Variants in GRIN2A observed in about 807,000 individuals in gnomAD.
GRIN2A encodes the protein glutamate receptor ionotropic, NMDA 2A.
A neutral mutation model predicts 113.4 loss-of-function variants in GRIN2A; 22 were observed. That is an observed-to-expected ratio of 0.19 (90% CI 0.14 to 0.28). The LOEUF is 0.28. GRIN2A is among the 10% of genes least tolerant of loss of function. GRIN2A has a pLI of 1.00. For missense variants in GRIN2A, 1,502 were observed against 1,887.0 expected (o/e 0.80, Z 3.78); for synonymous variants, 827 against 738.4 (o/e 1.12, Z -1.94).
At chr16:9,960,815 A>G (rs1037418522) in intron 2 of GRIN2A, among the ~76,000 whole-genome samples, 8 of 152,022 alleles carry the variant, frequency 5.3e-5, no homozygotes, top group African/African-American at 1.9e-4. Context: ...GGCAGAGATG[A>G]GGTTTTGCCA....
At chr16:9,839,438 A>G (rs993653528) in intron 7 of GRIN2A, among the ~76,000 whole-genome samples, 1 of 152,222 alleles carries the variant, frequency 6.6e-6, no homozygotes, top group Non-Finnish European at 1.5e-5. Flanking sequence ...AAAAATCACA[A>G]GAATTTCCTT....
At chr16:10,170,748 A>G (rs1030007419) in intron 2 of GRIN2A, among the ~76,000 whole-genome samples, 10 of 151,992 alleles carry the variant, frequency 6.6e-5, no homozygotes, top group African/African-American at 2.4e-4. Context: ...ATCATGGCAC[A>G]CGCCTGTGTT....
At chr16:9,890,914 A>G in intron 4 of GRIN2A, 72 bp downstream of exon 4, 1 of 922,514 alleles carries the variant, frequency 1.1e-6, no homozygotes, top group Non-Finnish European at 1.8e-6. Context: ...TGGGAGAAAG[A>G]AGCACTGTGA....
At chr16:9,919,715 A>C (rs993840139) in intron 3 of GRIN2A, among the ~76,000 whole-genome samples, 2 of 152,216 alleles carry the variant, frequency 1.3e-5, no homozygotes, top group African/African-American at 4.8e-5. Context: ...ATAATACTTG[A>C]AACAAAATTC....
intron 3 of GRIN2A, among the ~76,000 whole-genome samples, chr16:9,934,876 C>T (rs2044677341): frequency 6.6e-6 from 1 of 151,848 alleles, no homozygotes; most frequent in Non-Finnish European, 1.5e-5. Context: ...AACTTACACA[C>T]TGGGTGGACA....
intron 2 of GRIN2A, among the ~76,000 whole-genome samples, chr16:10,011,539 C>T (rs905298288): frequency 3.9e-5 from 6 of 152,292 alleles, no homozygotes; most frequent in Admixed American, 1.3e-4. Flanking sequence ...AGGAAAAACA[C>T]AAGGTCAGGG....
chr16:9,868,023 T>A (rs2043191424), intron 4 of GRIN2A, among the ~76,000 whole-genome samples: 1 of 152,096 alleles, frequency 6.6e-6, no homozygotes, highest in Non-Finnish European at 1.5e-5. Context: ...GTTCTTGAAA[T>A]CCCAACCATG....
chr16:9,934,992 C>T (rs2044679478), intron 3 of GRIN2A, among the ~76,000 whole-genome samples: 2 of 152,012 alleles, frequency 1.3e-5, no homozygotes, highest in Non-Finnish European at 2.9e-5. Context: ...ATACCATTTA[C>T]AAAATTACTG....
At chr16:9,788,505 A>G (rs374903508) in intron 11 of GRIN2A, among the ~76,000 whole-genome samples, 7 of 151,496 alleles carry the variant, frequency 4.6e-5, no homozygotes, top group African/African-American at 1.7e-4. Flanking sequence ...TGATTCACCT[A>G]CCTTGGCCTC....
At chr16:10,046,105 T>C (rs1226071361) in intron 2 of GRIN2A, among the ~76,000 whole-genome samples, 1 of 152,166 alleles carries the variant, frequency 6.6e-6, no homozygotes. Context: ...GATAGCCCCA[T>C]TGCCTTAGCC....
chr16:9,842,969 GA>G (rs2042706813), intron 5 of GRIN2A, among the ~76,000 whole-genome samples: 1 of 149,836 alleles, frequency 6.7e-6, no homozygotes, highest in South Asian at 2.1e-4. Context: ...GAGAGAGAGA[GA>G]GGAAGAAAGA....
intron 4 of GRIN2A, among the ~76,000 whole-genome samples, chr16:9,862,325 T>C (rs1462872624): frequency 2.0e-5 from 3 of 152,214 alleles, no homozygotes; most frequent in African/African-American, 7.2e-5. Context: ...AAGTAGATTT[T>C]TTTTCCTCTC....
In GRIN2A at chr16:10,079,328, C is replaced by A. The variant is rs548072729; in HGVS notation, c.414+100670G>T. 2.0e-5 allele frequency among the ~76,000 whole-genome samples: 3 copies of A among 152,276 alleles called. No individual in the cohort carries two copies. In the South Asian group the frequency reaches 6.2e-4, roughly 32 times the overall value. On this transcript the variant is annotated intron_variant, in intron 2 of 12. Transcript: ENST00000330684. The stretch of plus-strand genomic sequence containing the variant: ...GAACTGACTGGGTAGTCAGGGAAGG[C>A]CTCTTAAGGAGTTGGCCTTTAAGGG...
intron 2 of GRIN2A, chr16:10,112,921 C>T: frequency 2.4e-6 from 1 of 416,346 alleles, no homozygotes; most frequent in South Asian, 2.0e-5. Flanking sequence ...AGGGAGCATA[C>T]CCCAGTGTCC....
chr16:10,061,302 G>A (rs916808129), intron 2 of GRIN2A, among the ~76,000 whole-genome samples: 6 of 152,154 alleles, frequency 3.9e-5, no homozygotes, highest in African/African-American at 1.4e-4. Flanking sequence ...AAGCCACCTT[G>A]GCAACCCTCA....
chr16:9,982,864 A>G (rs1218293590), intron 2 of GRIN2A, among the ~76,000 whole-genome samples: 1 of 152,176 alleles, frequency 6.6e-6, no homozygotes, highest in Non-Finnish European at 1.5e-5. Flanking sequence ...GGTCTCCCTC[A>G]GTGGAAAATA....
chr16:10,099,042 A>G (rs1286525658), intron 2 of GRIN2A, among the ~76,000 whole-genome samples: 1 of 152,190 alleles, frequency 6.6e-6, no homozygotes, highest in African/African-American at 2.4e-5. Flanking sequence ...AGTTGTTAAA[A>G]ATAATTTAGA....
chr16:9,930,712 G>T (rs953259030), intron 3 of GRIN2A, among the ~76,000 whole-genome samples: 4 of 152,144 alleles, frequency 2.6e-5, no homozygotes, highest in African/African-American at 9.7e-5. Flanking sequence ...AACTGAGCAG[G>T]CATTTCTATT....
chr16:10,015,981 T>C (rs1027617744), intron 2 of GRIN2A, among the ~76,000 whole-genome samples: 1 of 152,094 alleles, frequency 6.6e-6, no homozygotes, highest in Admixed American at 6.5e-5. Flanking sequence ...TTGGGTGTGA[T>C]GGCAAGTGCC....
Sources: gnomAD v4.1 joint callset for allele counts (sites outside exome capture counted in the v4.1 genomes callset) on GRCh38, gnomAD v4.1.1 for gene constraint, MANE v1.5 for transcripts, NCBI Gene and HGNC (gene_info 2026-07-23, HGNC 2026-07-21) for gene names.